The following STAU2 variants were observed in gnomAD, a reference collection of about 807,000 sequenced individuals.
STAU2 encodes staufen double-stranded RNA binding protein 2, also known as double-stranded RNA-binding protein Staufen homolog 2.
A neutral mutation model predicts 65.9 loss-of-function variants in STAU2; 20 were observed. The ratio of observed to expected loss-of-function variants is 0.30; its 90% CI spans 0.21 to 0.44. The LOEUF is 0.44. STAU2 is among the 20% of genes least tolerant of loss of function. The pLI, the probability that STAU2 is intolerant of heterozygous loss-of-function variation, is 1.00. For synonymous variants in STAU2, 232 were observed against 233.9 expected (o/e 0.99, Z 0.07); for missense variants, 558 against 683.9 (o/e 0.82, Z 2.05).
intron 9 of STAU2, among the ~76,000 whole-genome samples, chr8:73,606,236 TAATAA>T (rs1387434459): frequency 1.3e-5 from 2 of 151,588 alleles, no homozygotes; most frequent in Non-Finnish European, 2.9e-5. Context: ...ATATAAATAA[TAATAA>T]AATAAACATA....
At chr8:73,564,699 C>G (rs1808474545) in intron 12 of STAU2, among the ~76,000 whole-genome samples, 1 of 151,988 alleles carries the variant, frequency 6.6e-6, no homozygotes, top group Non-Finnish European at 1.5e-5. Context: ...TCAGTGGGTC[C>G]TCAAATAATG....
intron 3 of STAU2, among the ~76,000 whole-genome samples, chr8:73,729,237 T>C (rs541624165): frequency 6.6e-6 from 1 of 152,232 alleles, no homozygotes; most frequent in Non-Finnish European, 1.5e-5. Context: ...ACACCACCCT[T>C]GCAATCCTGG....
intron 3 of STAU2, among the ~76,000 whole-genome samples, chr8:73,724,521 A>C (rs1392886641): frequency 6.6e-6 from 1 of 152,034 alleles, no homozygotes; most frequent in Non-Finnish European, 1.5e-5. Context: ...CACATTCAAT[A>C]AATTATAATG....
At chr8:73,621,363 A>G (rs150589107) in intron 6 of STAU2, among the ~76,000 whole-genome samples, 302 of 152,304 alleles carry the variant, frequency 2.0e-3, no homozygotes, top group African/African-American at 6.6e-3. Context: ...AGGCCTCCCC[A>G]GCCATGCAGA....
chr8:73,454,484 CTG>C (rs1818959653), intron 13 of STAU2, among the ~76,000 whole-genome samples: 1 of 152,148 alleles, frequency 6.6e-6, no homozygotes, highest in Non-Finnish European at 1.5e-5. Flanking sequence ...CTTTTGTGAT[CTG>C]TGTATCTGTA....
chr8:73,730,480 A>G (rs1005138798), intron 3 of STAU2, among the ~76,000 whole-genome samples: 10 of 152,324 alleles, frequency 6.6e-5, no homozygotes, highest in African/African-American at 2.4e-4. Context: ...TAATCCCTGC[A>G]CTTTGGGAGG....
intron 11 of STAU2, among the ~76,000 whole-genome samples, chr8:73,589,865 A>T (rs1446516601): frequency 1.3e-5 from 2 of 152,036 alleles, no homozygotes; most frequent in Non-Finnish European, 2.9e-5. Flanking sequence ...GAACCCTATA[A>T]GGACAAGGAG....
chr8:73,439,102 C>G, intron 13 of STAU2: 1 of 451,392 alleles, frequency 2.2e-6, no homozygotes, highest in Non-Finnish European at 4.4e-6. Flanking sequence ...CAGTATTGTG[C>G]TGGTAAATAT....
intron 11 of STAU2, among the ~76,000 whole-genome samples, chr8:73,587,551 AAAAAAACT>A (rs1810463819): frequency 3.9e-5 from 6 of 152,198 alleles, no homozygotes; most frequent in Non-Finnish European, 5.9e-5. Flanking sequence ...GAAAGGAACG[AAAAAAACT>A]GCATGATGTG....
intron 6 of STAU2, chr8:73,669,055 A>G (rs200682103): frequency 1.4e-6 from 1 of 702,370 alleles, no homozygotes; most frequent in East Asian, 2.7e-5. Flanking sequence ...CAAGGAAAAG[A>G]CATCTCCTTG....
intron 3 of STAU2, among the ~76,000 whole-genome samples, chr8:73,714,113 C>A (rs1323216200): frequency 1.3e-5 from 2 of 151,976 alleles, no homozygotes; most frequent in Admixed American, 1.3e-4. Flanking sequence ...ATATTGGTCA[C>A]GCTGGTCTCG....
At chr8:73,692,793 A>G (rs1162427274) in intron 4 of STAU2, among the ~76,000 whole-genome samples, 1 of 152,216 alleles carries the variant, frequency 6.6e-6, no homozygotes, top group African/African-American at 2.4e-5. Flanking sequence ...ATAGTAGGAC[A>G]TCCAGTCAAT....
intron 13 of STAU2, among the ~76,000 whole-genome samples, chr8:73,431,112 C>G (rs920142527): frequency 6.6e-6 from 1 of 152,146 alleles, no homozygotes; most frequent in African/African-American, 2.4e-5. Flanking sequence ...TGCTTAAATC[C>G]AAGCTGTGTA....
intron 3 of STAU2, among the ~76,000 whole-genome samples, chr8:73,723,330 A>C (rs1463310996): frequency 6.6e-6 from 1 of 152,238 alleles, no homozygotes; most frequent in Non-Finnish European, 1.5e-5. Flanking sequence ...TTATGACAAA[A>C]TGATGTTGAA....
chr8:73,604,058 G>A (rs956756516), intron 9 of STAU2, among the ~76,000 whole-genome samples, 195 bp from the exon 10 acceptor site: 4 of 151,948 alleles, frequency 2.6e-5, no homozygotes, highest in African/African-American at 4.8e-5. Flanking sequence ...TGGGACTTGG[G>A]GCTTAGATGT....
chr8:73,433,740 C>T (rs1281169049), intron 13 of STAU2, among the ~76,000 whole-genome samples: 2 of 151,880 alleles, frequency 1.3e-5, no homozygotes, highest in Admixed American at 6.6e-5. Flanking sequence ...GGCTCTCAAG[C>T]GATCCATCTG....
chr8:73,560,150 G>A (rs1022606532), intron 12 of STAU2, among the ~76,000 whole-genome samples: 7 of 147,724 alleles, frequency 4.7e-5, no homozygotes, highest in Non-Finnish European at 7.4e-5. Context: ...GCGCCATCTC[G>A]GCTCACTGCA....
intron 1 of STAU2, among the ~76,000 whole-genome samples, chr8:73,746,438 GT>G (rs1461614560): frequency 1.3e-5 from 2 of 151,208 alleles, no homozygotes; most frequent in Non-Finnish European, 3.0e-5. Context: ...CCGCGTTCCT[GT>G]CTCCCCGACC....
chr8:73,485,548 G>A (rs1820871667), intron 13 of STAU2, among the ~76,000 whole-genome samples: 1 of 151,958 alleles, frequency 6.6e-6, no homozygotes, highest in African/African-American at 2.4e-5. Context: ...TACTGCAATG[G>A]GATTTCAAGA....
Sources: gnomAD v4.1 joint callset for allele counts (sites outside exome capture counted in the v4.1 genomes callset) on GRCh38, gnomAD v4.1.1 for gene constraint, MANE v1.5 for transcripts, NCBI Gene and HGNC (gene_info 2026-07-23, HGNC 2026-07-21) for gene names.